FAM13A: variants seen among roughly 807,000 people sequenced by gnomAD.
FAM13A encodes protein FAM13A.
FAM13A carries 76 observed loss-of-function variants against 129.6 expected under a neutral mutation model. The ratio of observed to expected loss-of-function variants is 0.59; its 90% CI spans 0.49 to 0.71. FAM13A has a LOEUF of 0.71. Among genes scored for constraint, FAM13A ranks in the 30% least tolerant of loss-of-function variants. FAM13A has a pLI of 0.00. For missense variants in FAM13A, 1,108 were observed against 1,249.3 expected (o/e 0.89, Z 1.70); for synonymous variants, 443 against 449.9 (o/e 0.98, Z 0.20).
intron 2 of FAM13A, among the ~76,000 whole-genome samples, chr4:89,025,245 GTTTTTTTTTTT>G (rs56710705): frequency 3.1e-4 from 19 of 61,366 alleles, no homozygotes; most frequent in East Asian, 8.2e-4. Flanking sequence ...TGGAATCATT[GTTTTTTTTTTT>G]TTTTTTTTTT....
intron 6 of FAM13A, among the ~76,000 whole-genome samples, chr4:88,866,507 A>G (rs188201244): frequency 6.6e-6 from 1 of 152,280 alleles, no homozygotes; most frequent in East Asian, 1.9e-4. Context: ...GCAATCATCA[A>G]AGGGCCAACC....
intron 18 of FAM13A, among the ~76,000 whole-genome samples, chr4:88,747,368 A>T (rs1741576351): frequency 6.6e-6 from 1 of 152,224 alleles, no homozygotes; most frequent in African/African-American, 2.4e-5. Context: ...CTTCTACCTC[A>T]GAGTCACAAA....
intron 7 of FAM13A, among the ~76,000 whole-genome samples, chr4:88,808,575 T>G (rs1201139264): frequency 6.6e-6 from 1 of 152,172 alleles, no homozygotes; most frequent in Admixed American, 6.6e-5. Flanking sequence ...TCTGATTCAC[T>G]TTTAATTTTT....
intron 1 of FAM13A, among the ~76,000 whole-genome samples, chr4:89,043,913 ACAATCAAT>A (rs543162448): frequency 6.6e-6 from 1 of 151,956 alleles, no homozygotes. Flanking sequence ...TCTACAAAAT[ACAATCAAT>A]CAATCAATCA....
intron 7 of FAM13A, among the ~76,000 whole-genome samples, chr4:88,831,453 T>C (rs1012154095): frequency 6.6e-6 from 1 of 152,148 alleles, no homozygotes; most frequent in East Asian, 1.9e-4. Flanking sequence ...TCTATGTCTA[T>C]AAAACATAAA....
intron 1 of FAM13A, among the ~76,000 whole-genome samples, chr4:89,030,774 G>A (rs1768577172): frequency 5.9e-5 from 9 of 152,184 alleles, no homozygotes; most frequent in Admixed American, 3.9e-4. Context: ...TAATGTTATA[G>A]TGCAGTTTAT....
chr4:88,928,316 T>C (rs1188378468), intron 5 of FAM13A, among the ~76,000 whole-genome samples: 1 of 152,108 alleles, frequency 6.6e-6, no homozygotes, highest in Non-Finnish European at 1.5e-5. Flanking sequence ...TCCATAGTTG[T>C]TGGGTAGAAT....
At chr4:89,046,950 G>C (rs1375591667) in intron 1 of FAM13A, among the ~76,000 whole-genome samples, 3 of 152,146 alleles carry the variant, frequency 2.0e-5, no homozygotes, top group Non-Finnish European at 2.9e-5. Context: ...AAGAGAAACG[G>C]ATGTTGGAAA....
At chr4:88,815,220 A>G (rs1355448118) in intron 7 of FAM13A, among the ~76,000 whole-genome samples, 7 of 152,128 alleles carry the variant, frequency 4.6e-5, no homozygotes, top group African/African-American at 1.7e-4. Context: ...ATTATAAAAC[A>G]TATGTCTTAA....
intron 5 of FAM13A, among the ~76,000 whole-genome samples, chr4:88,908,738 A>G (rs538763335): frequency 4.5e-4 from 69 of 152,356 alleles, no homozygotes; most frequent in Non-Finnish European, 7.9e-4. Context: ...GAACTGGCAG[A>G]TAAGAGATCT....
Position 88,784,774 on chromosome 4 carries a change from A to G in FAM13A, c.1271+2979T>C, listed in dbSNP as rs550898451. 3.9e-5 allele frequency among the ~76,000 whole-genome samples: 6 copies of G among 152,310 alleles called. No individual in the cohort carries two copies. The South Asian group carries it at 1.2e-3, about 32-fold the overall frequency. ...ATATTTCTTATGATTTTTTTCAAACATATACAGAAGTAGAGACACTATCAT... is the reference window on the plus strand; with the variant it reads ...ATATTTCTTATGATTTTTTTCAAACGTATACAGAAGTAGAGACACTATCAT... On this transcript the variant is annotated intron_variant, in intron 10 of 23. Transcript: ENST00000264344.
intron 3 of FAM13A, among the ~76,000 whole-genome samples, chr4:88,994,717 G>C (rs969678871): frequency 2.6e-5 from 4 of 152,096 alleles, no homozygotes; most frequent in African/African-American, 9.7e-5. Flanking sequence ...GCACATGCCT[G>C]TAGTCCCAGC....
intron 3 of FAM13A, among the ~76,000 whole-genome samples, chr4:88,999,228 C>CAT (rs879400514): frequency 6.6e-6 from 1 of 152,094 alleles, no homozygotes; most frequent in Non-Finnish European, 1.5e-5. Flanking sequence ...AGTATCTCAG[C>CAT]ATATTTATTT....
intron 4 of FAM13A, among the ~76,000 whole-genome samples, chr4:88,953,886 T>C (rs1170024370): frequency 6.6e-6 from 1 of 152,206 alleles, no homozygotes; most frequent in Non-Finnish European, 1.5e-5. Flanking sequence ...ACCTCTTGAC[T>C]GTTGTGTCTT....
chr4:88,810,207 G>T (rs1346947191), intron 7 of FAM13A, among the ~76,000 whole-genome samples: 2 of 152,120 alleles, frequency 1.3e-5, no homozygotes, highest in African/African-American at 2.4e-5. Flanking sequence ...GACTTCCAAA[G>T]ATTTAGATTT....
intron 3 of FAM13A, among the ~76,000 whole-genome samples, chr4:88,996,535 A>C (rs1560715969): frequency 6.6e-6 from 1 of 152,254 alleles, no homozygotes; most frequent in Non-Finnish European, 1.5e-5. Flanking sequence ...TCCAGGCACC[A>C]TTCTAAGCAT....
chr4:88,880,109 G>A (rs1006807418), intron 6 of FAM13A, among the ~76,000 whole-genome samples: 2 of 152,120 alleles, frequency 1.3e-5, no homozygotes, highest in African/African-American at 4.8e-5. Flanking sequence ...GACTTAGAAG[G>A]AGAGAGCAGC....
chr4:88,966,385 GT>G (rs1296073819), intron 4 of FAM13A, among the ~76,000 whole-genome samples: 1 of 152,084 alleles, frequency 6.6e-6, no homozygotes, highest in African/African-American at 2.4e-5. Context: ...CAGGGACTAT[GT>G]TCTAGGCGTT....
intron 4 of FAM13A, among the ~76,000 whole-genome samples, chr4:88,975,906 G>A (rs1341589674): frequency 6.6e-6 from 1 of 152,154 alleles, no homozygotes; most frequent in Non-Finnish European, 1.5e-5. Flanking sequence ...CAGTCCAGGA[G>A]TCAGAAGACA....
Sources: gnomAD v4.1 joint callset for allele counts (sites outside exome capture counted in the v4.1 genomes callset) on GRCh38, gnomAD v4.1.1 for gene constraint, MANE v1.5 for transcripts, NCBI Gene and HGNC (gene_info 2026-07-23, HGNC 2026-07-21) for gene names.